The following APH1B variants were observed in gnomAD, a reference collection of about 807,000 sequenced individuals.
APH1B encodes aph-1B gamma-secretase subunit.
APH1B carries 27 observed loss-of-function variants against 28.2 expected under a neutral mutation model. The observed-to-expected ratio is 0.96, with a 90% CI of 0.70 to 1.32. The LOEUF (loss-of-function observed/expected upper bound fraction) is 1.32. Among genes scored for constraint, APH1B ranks in the 40% most tolerant of loss-of-function variants. The pLI is 0.00. For missense variants in APH1B, 305 were observed against 313.6 expected (o/e 0.97, Z 0.21); for synonymous variants, 141 against 124.6 (o/e 1.13, Z -0.88).
At chr15:63,295,035 A>G (rs909472221) in intron 4 of APH1B, among the ~76,000 whole-genome samples, 2 of 152,150 alleles carry the variant, frequency 1.3e-5, no homozygotes, top group African/African-American at 4.8e-5. Context: ...TTTTTCTCCC[A>G]TAACTTACAT....
chr15:63,288,619 G>A (rs932113057), intron 4 of APH1B, among the ~76,000 whole-genome samples: 3 of 152,350 alleles, frequency 2.0e-5, no homozygotes, highest in African/African-American at 7.2e-5. Flanking sequence ...TCAGGGCCTA[G>A]AGGAGAGAGT....
intron 2 of APH1B, among the ~76,000 whole-genome samples, chr15:63,284,086 A>G (rs1338013518): frequency 6.6e-6 from 1 of 151,934 alleles, no homozygotes; most frequent in Admixed American, 6.6e-5. Flanking sequence ...TGAATATTTT[A>G]CTTTTGTAGT....
chr15:63,295,732 C>T (rs986906824), intron 4 of APH1B, among the ~76,000 whole-genome samples: 1 of 152,242 alleles, frequency 6.6e-6, no homozygotes, highest in Non-Finnish European at 1.5e-5. Context: ...CATATTCCCT[C>T]TATGGGCCAA....
chr15:63,305,976 G>A lies in APH1B; in HGVS notation c.*195G>A, dbSNP rs201787473. Reference sequence around the variant, plus strand: ...TCAGTGGTGTGCGTCCTGGCTGCACGAGAATCACCTGGGACAGTGTAAAGC... The same window carrying A: ...TCAGTGGTGTGCGTCCTGGCTGCACAAGAATCACCTGGGACAGTGTAAAGC... On this transcript the variant is annotated 3_prime_UTR_variant, in exon 6 of 6. Transcript: ENST00000261879. 38 of 661,720 alleles carry A rather than the reference G, an allele frequency of 5.7e-5. No individual in the cohort carries two copies. The African/African-American group carries it at 6.0e-4, about 11-fold the overall frequency. The allele number at this position is 661,720 out of a possible 1,614,324, so 41.0% of individuals were successfully genotyped here. A position where few individuals can be genotyped will look rare whatever the true frequency, so the allele number is the denominator to read the frequency against.
intron 4 of APH1B, among the ~76,000 whole-genome samples, chr15:63,299,642 G>A (rs566790938): frequency 2.0e-5 from 3 of 152,126 alleles, no homozygotes; most frequent in African/African-American, 4.8e-5. Context: ...CTGACCTCGT[G>A]ATACTCCTGC....
Position 63,277,682 on chromosome 15 carries a change from T to C in APH1B, c.59T>C (p.Leu20Pro), listed in dbSNP as rs1258127258. ...ATTGCCTTCGGGCCTGCGCTCGCCC[T>C]TTATGTCTTCACCATCGCCACCGAG... Reference protein sequence around the residue: ...AFIAFGPALALYVFTIATEPL... With the variant: ...AFIAFGPALAPYVFTIATEPL... The change falls in exon 1 of 6, where the codon CTT becomes CCT. Residue 20 changes from leucine to proline, a missense_variant. Transcript: ENST00000261879. 6.2e-7 allele frequency: 1 copy of C among 1,611,316 alleles called. No individual in the cohort carries two copies. The highest frequency in any genetic ancestry group is 1.1e-5 in the South Asian group (1 of 90,952).
At position 63,307,952 on chromosome 15, in the gene APH1B, T is replaced by A. The variant is rs993933744; in HGVS notation, c.*2171T>A. 6.6e-6 allele frequency: 1 copy of A among 152,266 alleles called. No homozygotes were observed. Among genetic ancestry groups the A allele is most frequent in the African/African-American group, 2.4e-5 (1 of 41,476 alleles). The allele number at this position is 152,266 out of a possible 1,614,324, so 9.4% of individuals were successfully genotyped here. A position where few individuals can be genotyped will look rare whatever the true frequency, so the allele number is the denominator to read the frequency against. Reference sequence around the variant, plus strand: ...TGTGAATGAAGGAACTTTGTAATTCTGATTTATCGTAAAACATGAGCCTTT... The same window carrying A: ...TGTGAATGAAGGAACTTTGTAATTCAGATTTATCGTAAAACATGAGCCTTT... On this transcript the variant is annotated 3_prime_UTR_variant, in exon 6 of 6. Coordinates refer to ENST00000261879, the MANE Select transcript of APH1B (RefSeq NM_031301.4).
At chr15:63,282,820 T>C (rs1595758924) in intron 2 of APH1B, among the ~76,000 whole-genome samples, 1 of 152,194 alleles carries the variant, frequency 6.6e-6, no homozygotes, top group Non-Finnish European at 1.5e-5. Flanking sequence ...GCGTGTCTAT[T>C]TTTAAAAATT....
Position 63,302,484 on chromosome 15 carries a change from C to T in APH1B, c.606+12C>T, listed in dbSNP as rs202001875. 3.7e-5 allele frequency: 60 copies of T among 1,611,506 alleles called. No individual in the cohort carries two copies. The East Asian group carries it at 1.0e-3, about 28-fold the overall frequency. On this transcript the variant is annotated intron_variant, in intron 5 of 5. Coordinates refer to ENST00000261879, the MANE Select transcript of APH1B (RefSeq NM_031301.4). The stretch of plus-strand genomic sequence containing the variant: ...TGGTGTCAGCCCAGGTGAGTGTTGC[C>T]GCCATGCTCAGACTGTATTCTGGAA...
In APH1B at chr15:63,279,079, G is replaced by C. The variant is rs561701488; in HGVS notation, c.114-82G>C. 10 of 1,085,920 alleles carry C rather than the reference G, an allele frequency of 9.2e-6. No individual in the cohort carries two copies. In the African/African-American group the frequency reaches 1.3e-4, roughly 14 times the overall value. 67.3% of individuals were successfully genotyped at this position (1,085,920 alleles called of 1,614,324 possible). ...CAAGAAATCTCTTCCTTCTCAAGCA[G>C]GTTTTTTTTTTTTTCCTGCTTTTAA... On this transcript the variant is annotated intron_variant, in intron 1 of 5. Transcript: ENST00000261879.
At chr15:63,283,898 T>G (rs1386945035) in intron 2 of APH1B, among the ~76,000 whole-genome samples, 3 of 152,212 alleles carry the variant, frequency 2.0e-5, no homozygotes, top group African/African-American at 7.2e-5. Flanking sequence ...TTCATTCTTT[T>G]GTATGTGATT....
In APH1B at chr15:63,302,427, C is replaced by T. The variant is rs200046707; in HGVS notation, c.561C>T (p.Gly187=). 44 of 1,614,056 alleles carry T rather than the reference C, an allele frequency of 2.7e-5. No homozygotes were observed. Among genetic ancestry groups the T allele is most frequent in the Admixed American group, 1.7e-4 (10 of 60,010 alleles). ...ATGGCTGTGAGAAGAAAAAGTGGGG[C>T]ATCCTCCTTATCGTTCTCCTGACCC... The part of the protein sequence containing the change: ...FFDGCEKKKW[G]ILLIVLLTHL... The change falls in exon 5 of 6, where the codon GGC becomes GGT. Residue 187 remains glycine (G), a synonymous_variant. Coordinates refer to ENST00000261879, the MANE Select transcript of APH1B (RefSeq NM_031301.4).
At position 63,297,334 on chromosome 15, in the gene APH1B, C is replaced by G. The variant is rs936852385; in HGVS notation, c.479-5011C>G. 3.6e-4 allele frequency among the ~76,000 whole-genome samples: 55 copies of G among 152,068 alleles called. 1 individual carries two copies. Among genetic ancestry groups the G allele is most frequent in the Admixed American group, 3.3e-3 (51 of 15,256 alleles). The stretch of plus-strand genomic sequence containing the variant: ...GAACTCCCAGGAGTTTGAGACCAGC[C>G]TGGGCAACATGACAAAACCCTGTCT... On this transcript the variant is annotated intron_variant, in intron 4 of 5. Coordinates refer to ENST00000261879, the MANE Select transcript of APH1B (RefSeq NM_031301.4).
chr15:63,292,561 G>T (rs1225772502), intron 4 of APH1B, among the ~76,000 whole-genome samples: 1 of 151,048 alleles, frequency 6.6e-6, no homozygotes, highest in Non-Finnish European at 1.5e-5. Flanking sequence ...GCTAATTTTT[G>T]TATTTTTTGT....
chr15:63,289,236 T>C (rs1027610488), intron 4 of APH1B, among the ~76,000 whole-genome samples: 6 of 152,230 alleles, frequency 3.9e-5, no homozygotes, highest in African/African-American at 1.4e-4. Context: ...CTTACTGTTA[T>C]AACATCATTC....
chr15:63,302,237 C>G (rs2038637508), intron 4 of APH1B, 108 bp from the exon 5 acceptor site: 1 of 1,354,706 alleles, frequency 7.4e-7, no homozygotes, highest in African/African-American at 1.5e-5. Context: ...TGGTGTTAAA[C>G]TCTCTTGCTG....
Position 63,293,718 on chromosome 15 carries a change from G to A in APH1B, c.478+6172G>A, listed in dbSNP as rs1394011186. 3.3e-5 allele frequency among the ~76,000 whole-genome samples: 5 copies of A among 152,010 alleles called. No homozygotes were observed. The South Asian group carries it at 6.2e-4, about 19-fold the overall frequency. ...TCGCTATGTTGGTCAGGTTTTTCTC[G>A]AACTCCTGACCTCGTCATCTGCCCG... is the stretch of plus-strand genomic sequence containing the variant. On this transcript the variant is annotated intron_variant, in intron 4 of 5. Transcript: ENST00000261879.
intron 2 of APH1B, among the ~76,000 whole-genome samples, chr15:63,280,395 G>C (rs749123418): frequency 2.0e-5 from 3 of 152,130 alleles, no homozygotes; most frequent in African/African-American, 4.8e-5. Context: ...TGATAAATGT[G>C]CTGTCTTTTT....
chr15:63,279,813 T>G (rs957965880), intron 2 of APH1B, among the ~76,000 whole-genome samples: 4 of 151,426 alleles, frequency 2.6e-5, no homozygotes, highest in Non-Finnish European at 1.5e-5. Context: ...TTTTTTTTTT[T>G]GAGACAGAGT....
Sources: allele counts gnomAD v4.1 joint callset (sites outside exome capture counted in the v4.1 genomes callset), GRCh38; gene constraint gnomAD v4.1.1; transcripts MANE v1.5; gene names NCBI Gene and HGNC (gene_info 2026-07-23, HGNC 2026-07-21).